The following ADARB2 variants were observed in gnomAD, a reference collection of about 807,000 sequenced individuals.
ADARB2 encodes the protein inactive double-stranded RNA-specific editase B2.
A neutral mutation model predicts 62.2 loss-of-function variants in ADARB2; 25 were observed. That is an observed-to-expected ratio of 0.40 (90% CI 0.29 to 0.56). ADARB2 has a LOEUF of 0.56. Among genes scored for constraint, ADARB2 ranks in the 20% least tolerant of loss-of-function variants. The pLI is 0.43. For synonymous variants in ADARB2, 572 were observed against 500.8 expected (o/e 1.14, Z -1.90); for missense variants, 1,071 against 1,077.4 (o/e 0.99, Z 0.08).
rs537730241 is a variant in ADARB2 at position 1,609,196 on chromosome 10, C to T, written c.100+127855G>A. Among the ~76,000 whole-genome samples, 22 of 152,328 alleles carry T rather than the reference C, an allele frequency of 1.4e-4. No homozygotes were observed. The South Asian group carries it at 3.3e-3, about 23-fold the overall frequency. On this transcript the variant is annotated intron_variant, in intron 1 of 9. Transcript: ENST00000381312. ...GCTCACAGGCGGGATGGGAATGTGC[C>T]GCAGGGCTGCTGCCTCACACGTCCG...
chr10:1,711,288 C>T (rs1206898447), intron 1 of ADARB2, among the ~76,000 whole-genome samples: 2 of 152,096 alleles, frequency 1.3e-5, no homozygotes, highest in Non-Finnish European at 2.9e-5. Context: ...CTCAAGGTCT[C>T]CTGTCTGTGA....
intron 3 of ADARB2, among the ~76,000 whole-genome samples, chr10:1,280,877 C>A (rs990317718): frequency 1.4e-4 from 21 of 152,194 alleles, no homozygotes; most frequent in African/African-American, 4.6e-4. Context: ...ATTCAGAGAA[C>A]CCCAGGATGG....
intron 3 of ADARB2, among the ~76,000 whole-genome samples, chr10:1,339,541 A>G (rs1832003874): frequency 1.3e-5 from 2 of 152,264 alleles, no homozygotes; most frequent in African/African-American, 4.8e-5. Context: ...AAAAACAGAT[A>G]AACAAAATCA....
At chr10:1,252,628 T>C (rs1831046630) in intron 4 of ADARB2, among the ~76,000 whole-genome samples, 1 of 150,576 alleles carries the variant, frequency 6.6e-6, no homozygotes, top group African/African-American at 2.5e-5. Context: ...TCAAAGTCTA[T>C]GTTTTATTTT....
At chr10:1,669,585 C>T (rs951114590) in intron 1 of ADARB2, among the ~76,000 whole-genome samples, 8 of 151,278 alleles carry the variant, frequency 5.3e-5, no homozygotes, top group African/African-American at 1.9e-4. Context: ...CACAGACTCA[C>T]TCACAAACAC....
intron 6 of ADARB2, among the ~76,000 whole-genome samples, chr10:1,229,217 A>G (rs4880490): frequency 0.64 from 97,897 of 152,026 alleles, 32,017 homozygotes; most frequent in African/African-American, 0.74. Flanking sequence ...AAAATAAAAT[A>G]GGGCCATCTA....
chr10:1,234,971 T>A (rs1466223006), intron 5 of ADARB2, among the ~76,000 whole-genome samples: 7 of 152,124 alleles, frequency 4.6e-5, no homozygotes, highest in Admixed American at 3.3e-4. Flanking sequence ...GGTTTTGAAC[T>A]CCTGACTTCA....
At chr10:1,195,285 C>T (rs896965631) in intron 8 of ADARB2, among the ~76,000 whole-genome samples, 1 of 152,178 alleles carries the variant, frequency 6.6e-6, no homozygotes, top group African/African-American at 2.4e-5. Flanking sequence ...CAACATCTCC[C>T]ACCATCCTCA....
In ADARB2 at chr10:1,540,564, AC is replaced by A. The variant is rs1294765119; in HGVS notation, c.101-161405del. Among the ~76,000 whole-genome samples the A allele has an allele frequency of 7.1e-5, 5 of 70,728 alleles. 1 individual carries two copies. Among genetic ancestry groups the A allele is most frequent in the African/African-American group, 5.7e-5 (1 of 17,646 alleles). The allele number at this position is 70,728 out of a possible 152,430, so 46.4% of individuals were successfully genotyped here. A position where few individuals can be genotyped will look rare whatever the true frequency, so the allele number is the denominator to read the frequency against. On this transcript the variant is annotated intron_variant, in intron 1 of 9. Coordinates refer to ENST00000381312, the MANE Select transcript of ADARB2 (RefSeq NM_018702.4). ...CCTGGATCACAGCCGTCCAGACCCC[AC>A]TCAGATGTAGTTCAGACCCTGGATC...
At chr10:1,315,213 G>A (rs1053579535) in intron 3 of ADARB2, among the ~76,000 whole-genome samples, 6 of 152,190 alleles carry the variant, frequency 3.9e-5, no homozygotes, top group African/African-American at 1.4e-4. Context: ...GAGATCAGGA[G>A]GCAGCTCCGG....
intron 6 of ADARB2, among the ~76,000 whole-genome samples, chr10:1,230,549 G>A (rs1830795387): frequency 6.6e-6 from 1 of 152,200 alleles, no homozygotes; most frequent in Non-Finnish European, 1.5e-5. Flanking sequence ...GCCTCTTATT[G>A]TAAAGGAGCT....
At chr10:1,256,581 A>G (rs1284711223) in intron 4 of ADARB2, among the ~76,000 whole-genome samples, 1 of 152,170 alleles carries the variant, frequency 6.6e-6, no homozygotes, top group Admixed American at 6.5e-5. Flanking sequence ...AAATACATAG[A>G]ATTTGGGGTA....
At chr10:1,707,647 A>G (rs917782819) in intron 1 of ADARB2, among the ~76,000 whole-genome samples, 2 of 152,204 alleles carry the variant, frequency 1.3e-5, no homozygotes, top group Non-Finnish European at 2.9e-5. Context: ...GGCTGTCTGG[A>G]GAGTGTGGGT....
intron 1 of ADARB2, among the ~76,000 whole-genome samples, chr10:1,659,482 G>T (rs545684828): frequency 2.6e-5 from 4 of 152,250 alleles, no homozygotes; most frequent in Non-Finnish European, 5.9e-5. Context: ...CAGTGGGAGC[G>T]GGGTGATCCC....
intron 1 of ADARB2, among the ~76,000 whole-genome samples, chr10:1,402,741 C>A (rs1229243766): frequency 6.6e-6 from 1 of 152,136 alleles, no homozygotes; most frequent in East Asian, 1.9e-4. Flanking sequence ...ATGAGGCTGA[C>A]CCCTCAGCTC....
At chr10:1,277,780 A>C (rs1232814352) in intron 3 of ADARB2, among the ~76,000 whole-genome samples, 1 of 152,188 alleles carries the variant, frequency 6.6e-6, no homozygotes, top group Non-Finnish European at 1.5e-5. Context: ...CTGATACCAA[A>C]GCCTGGCAGA....
At chr10:1,360,799 G>A (rs974353424) in intron 3 of ADARB2, among the ~76,000 whole-genome samples, 3 of 152,204 alleles carry the variant, frequency 2.0e-5, no homozygotes, top group Non-Finnish European at 4.4e-5. Flanking sequence ...ATAATTTAGC[G>A]GCCATGGCTC....
intron 3 of ADARB2, among the ~76,000 whole-genome samples, chr10:1,315,982 A>G (rs1831735852): frequency 6.6e-6 from 1 of 152,240 alleles, no homozygotes; most frequent in East Asian, 1.9e-4. Context: ...CATTAAGGGT[A>G]TAATTACCAT....
At chr10:1,396,351 G>A (rs939505847) in intron 1 of ADARB2, among the ~76,000 whole-genome samples, 1 of 152,130 alleles carries the variant, frequency 6.6e-6, no homozygotes, top group Admixed American at 6.5e-5. Context: ...CGCCTCGGCC[G>A]ACGCAGCCTT....
Sources: allele counts gnomAD v4.1 joint callset (sites outside exome capture counted in the v4.1 genomes callset), GRCh38; gene constraint gnomAD v4.1.1; transcripts MANE v1.5; gene names NCBI Gene and HGNC (gene_info 2026-07-23, HGNC 2026-07-21).